Variants in CCDC85A observed in about 807,000 individuals in gnomAD.
The protein encoded by CCDC85A is coiled-coil domain containing 85A, also known as coiled-coil domain-containing protein 85A.
A neutral mutation model predicts 50.2 loss-of-function variants in CCDC85A; 38 were observed. The ratio of observed to expected loss-of-function variants is 0.76; its 90% confidence interval spans 0.58 to 0.99. The LOEUF is 0.99. CCDC85A is among the 50% of genes least tolerant of loss of function. The probability of loss-of-function intolerance (pLI) is 0.00; values close to 1 mark genes in which losing one functional copy is unlikely to be tolerated. For missense variants in CCDC85A, 820 were observed against 742.0 expected, an observed-to-expected ratio of 1.11 and a Z score of -1.22; for synonymous variants, 366 against 301.4, an observed-to-expected ratio of 1.21 and a Z score of -2.22.
intron 3 of CCDC85A, among the ~76,000 whole-genome samples, chr2:56,369,379 T>C (rs1305531167): frequency 2.0e-5 from 3 of 152,136 alleles, no homozygotes; most frequent in Non-Finnish European, 2.9e-5. Context: ...GCAGATGTAG[T>C]TGTTCAAAAC....
At chr2:56,271,511 C>T (rs1327213730) in intron 2 of CCDC85A, among the ~76,000 whole-genome samples, 2 of 152,134 alleles carry the variant, frequency 1.3e-5, no homozygotes, top group Admixed American at 6.5e-5. Flanking sequence ...CCCTACACAG[C>T]AGGTGTCAGT....
At chr2:56,303,234 G>A (rs1341769478) in intron 2 of CCDC85A, among the ~76,000 whole-genome samples, 1 of 152,072 alleles carries the variant, frequency 6.6e-6, no homozygotes, top group African/African-American at 2.4e-5. Flanking sequence ...TCTTTCCTCT[G>A]TATCTCCCCA....
In CCDC85A at chr2:56,357,795, A is replaced by G. The variant is rs1178847187; in HGVS notation, c.1318-14549A>G. ...AAGCATCTGTAACCCTTACAGTTGG[A>G]TCTGACTCAGGTTACAGACAGGGCA... On this transcript the variant is annotated intron_variant, in intron 3 of 5. Transcript: ENST00000407595. 3.3e-5 allele frequency among the ~76,000 whole-genome samples: 5 copies of G among 151,846 alleles called. 1 individual carries two copies. Among genetic ancestry groups the G allele is most frequent in the Admixed American group, 3.3e-4 (5 of 15,228 alleles).
At chr2:56,339,998 T>G (rs1674277969) in intron 2 of CCDC85A, among the ~76,000 whole-genome samples, 1 of 152,240 alleles carries the variant, frequency 6.6e-6, no homozygotes, top group South Asian at 2.1e-4. Context: ...TCAGTTTTCT[T>G]TACCTGTGTT....
chr2:56,217,805 T>C (rs1280152790), intron 2 of CCDC85A, among the ~76,000 whole-genome samples: 2 of 151,908 alleles, frequency 1.3e-5, no homozygotes, highest in Admixed American at 6.6e-5. Flanking sequence ...ATATTAATTG[T>C]ACATGAAAAT....
At chr2:56,289,076 A>G (rs1671584241) in intron 2 of CCDC85A, among the ~76,000 whole-genome samples, 2 of 152,220 alleles carry the variant, frequency 1.3e-5, no homozygotes, top group South Asian at 4.1e-4. Flanking sequence ...GGGTACAGGC[A>G]GAACTGCCCA....
chr2:56,216,057 T>C (rs921445148), intron 2 of CCDC85A, among the ~76,000 whole-genome samples: 11 of 151,904 alleles, frequency 7.2e-5, no homozygotes, highest in African/African-American at 2.7e-4. Context: ...TCACAGACTT[T>C]CAAAGCCTAA....
At position 56,184,508 on chromosome 2, in the gene CCDC85A, T is replaced by G. The variant is rs1675905814; in HGVS notation, c.-117T>G. On this transcript the variant is annotated 5_prime_UTR_variant, in exon 1 of 6. Coordinates refer to ENST00000407595, the MANE Select transcript of CCDC85A (RefSeq NM_001080433.2). ...CCCCAACCCAGCGGCCCCTGGGCGG[T>G]GCCGCTGACTCGCCGGAGCGCACAG... 6.1e-6 allele frequency: 7 copies of G among 1,140,596 alleles called. No individual in the cohort carries two copies. Among genetic ancestry groups the G allele is most frequent in the Non-Finnish European group, 6.7e-6 (6 of 899,338 alleles). 70.7% of individuals were successfully genotyped at this position (1,140,596 alleles called of 1,614,324 possible). A position where few individuals can be genotyped will look rare whatever the true frequency, so the allele number is the denominator to read the frequency against.
intron 3 of CCDC85A, among the ~76,000 whole-genome samples, chr2:56,344,068 G>A (rs1006992428): frequency 6.6e-6 from 1 of 152,134 alleles, no homozygotes; most frequent in Non-Finnish European, 1.5e-5. Context: ...TAAACCTACA[G>A]TAGTTGTCCC....
intron 2 of CCDC85A, among the ~76,000 whole-genome samples, chr2:56,337,002 C>CAA (rs1674107168): frequency 6.6e-6 from 1 of 152,204 alleles, no homozygotes; most frequent in Admixed American, 6.5e-5. Context: ...ATATATTTGA[C>CAA]TAGTCCCCAT....
rs951122329 is a variant in CCDC85A at position 56,383,753 on chromosome 2, C to G, written c.1573-513C>G. ...GACTTAAATAGCTCAATAACAAAAGCTCCTTCATTTTCCTCAGCACATTAA... is the reference window on the plus strand; with the variant it reads ...GACTTAAATAGCTCAATAACAAAAGGTCCTTCATTTTCCTCAGCACATTAA... On this transcript the variant is annotated intron_variant, in intron 5 of 5. Coordinates refer to ENST00000407595, the MANE Select transcript of CCDC85A (RefSeq NM_001080433.2). 23 of 984,834 alleles carry G rather than the reference C, an allele frequency of 2.3e-5. No individual in the cohort carries two copies. In the African/African-American group the frequency reaches 3.7e-4, roughly 16 times the overall value. 61.0% of individuals were successfully genotyped at this position (984,834 alleles called of 1,614,324 possible). A position where few individuals can be genotyped will look rare whatever the true frequency, so the allele number is the denominator to read the frequency against.
At chr2:56,295,013 C>T (rs1441486143) in intron 2 of CCDC85A, among the ~76,000 whole-genome samples, 1 of 152,166 alleles carries the variant, frequency 6.6e-6, no homozygotes, top group East Asian at 1.9e-4. Context: ...TCTGCATTAT[C>T]TGGTATAAGA....
intron 3 of CCDC85A, among the ~76,000 whole-genome samples, chr2:56,371,725 A>G (rs924063525): frequency 1.3e-5 from 2 of 152,078 alleles, no homozygotes; most frequent in Non-Finnish European, 2.9e-5. Flanking sequence ...ATAAATACAT[A>G]AAAATTTAGT....
At chr2:56,239,935 C>T (rs1170453010) in intron 2 of CCDC85A, among the ~76,000 whole-genome samples, 1 of 151,966 alleles carries the variant, frequency 6.6e-6, no homozygotes, top group Non-Finnish European at 1.5e-5. Flanking sequence ...AATGGAATTG[C>T]TTGAGTTTTA....
rs1670449583 is a variant in CCDC85A, at chr2:56,266,569, CAATAACGCGCCCCCCCCCCCCAT to C, written c.1240+73133_1240+73155del. Among the ~76,000 whole-genome samples the C allele has an allele frequency of 4.3e-5, 4 of 92,884 alleles. No homozygotes were observed. The East Asian group carries it at 1.7e-3, about 39-fold the overall frequency. The allele number at this position is 92,884 out of a possible 152,430, so 60.9% of individuals were successfully genotyped here. On this transcript the variant is annotated intron_variant, in intron 2 of 5. Transcript: ENST00000407595. ...ATAAATATATATAATTGTCAATTAACAATAACGCGCCCCCCCCCCCCATAATCTTCTTCCTCCAAAAAAGATCC... is the reference window on the plus strand; with the variant it reads ...ATAAATATATATAATTGTCAATTAACAATCTTCTTCCTCCAAAAAAGATCC...
intron 2 of CCDC85A, among the ~76,000 whole-genome samples, chr2:56,194,771 A>T (rs1676459234): frequency 6.6e-6 from 1 of 152,198 alleles, no homozygotes; most frequent in South Asian, 2.1e-4. Context: ...CAGAGAAGCC[A>T]GTTTACCTGT....
intron 3 of CCDC85A, among the ~76,000 whole-genome samples, chr2:56,358,961 A>AT (rs1247665108): frequency 0.16 from 5,596 of 35,702 alleles, 368 homozygotes; most frequent in African/African-American, 0.3. Flanking sequence ...ATTTTTTTGT[A>AT]TTTTTTTTTT....
Position 56,384,427 on chromosome 2 carries a change from G to C in CCDC85A, c.*72G>C. On this transcript the variant is annotated 3_prime_UTR_variant, in exon 6 of 6. Coordinates refer to ENST00000407595, the MANE Select transcript of CCDC85A (RefSeq NM_001080433.2). ...AGAAGACAAGAAGAAAAAGGAAAGA[G>C]TGGGTTTCCACAAACCTGGACTCAT... 4 of 1,355,426 alleles carry C rather than the reference G, an allele frequency of 3.0e-6. No individual in the cohort carries two copies. The highest frequency in any genetic ancestry group is 4.2e-6 in the Non-Finnish European group (4 of 951,968). The allele number at this position is 1,355,426 out of a possible 1,614,324, so 84.0% of individuals were successfully genotyped here. A position where few individuals can be genotyped will look rare whatever the true frequency, so the allele number is the denominator to read the frequency against.
intron 2 of CCDC85A, among the ~76,000 whole-genome samples, chr2:56,262,274 C>A (rs1670250692): frequency 1.3e-5 from 2 of 151,584 alleles, no homozygotes; most frequent in Non-Finnish European, 3.0e-5. Context: ...TTATTGGTTT[C>A]AAATTTTCTC....
Sources: allele counts gnomAD v4.1 joint callset (sites outside exome capture counted in the v4.1 genomes callset), GRCh38; gene constraint gnomAD v4.1.1; transcripts MANE v1.5; gene names NCBI Gene and HGNC (gene_info 2026-07-23, HGNC 2026-07-21).